MYO3B: variants seen among roughly 807,000 people sequenced by gnomAD.
The protein encoded by MYO3B is myosin IIIB.
Under a neutral mutation model 174.6 loss-of-function variants are expected in MYO3B, and 156 were observed. That is an observed-to-expected ratio of 0.89 (90% CI 0.78 to 1.02). The LOEUF is 1.02. Among genes scored for constraint, MYO3B ranks in the 50% least tolerant of loss-of-function variants. The pLI, the probability that MYO3B is intolerant of heterozygous loss-of-function variation, is 0.00. For synonymous variants in MYO3B, 563 were observed against 569.1 expected (o/e 0.99, Z 0.15); for missense variants, 1,632 against 1,639.4 (o/e 1.00, Z 0.08).
chr2:170,510,374 C>A (rs113815242), intron 28 of MYO3B, among the ~76,000 whole-genome samples: 1 of 152,030 alleles, frequency 6.6e-6, no homozygotes, highest in Non-Finnish European at 1.5e-5. Flanking sequence ...AACACTAGAT[C>A]CCCTCCATAA....
At chr2:170,589,195 A>T (rs946315366) in intron 32 of MYO3B, among the ~76,000 whole-genome samples, 2 of 152,218 alleles carry the variant, frequency 1.3e-5, no homozygotes, top group African/African-American at 4.8e-5. Flanking sequence ...AAAAAGTTTG[A>T]TATCATGGAC....
chr2:170,246,496 G>A (rs2093191091), intron 7 of MYO3B, among the ~76,000 whole-genome samples: 1 of 149,070 alleles, frequency 6.7e-6, no homozygotes, highest in South Asian at 2.1e-4. Context: ...AATGTGACTG[G>A]TATCCTTATA....
At chr2:170,407,030 C>T (rs1049930509) in intron 21 of MYO3B, among the ~76,000 whole-genome samples, 1 of 152,150 alleles carries the variant, frequency 6.6e-6, no homozygotes, top group Non-Finnish European at 1.5e-5. Flanking sequence ...TCAGCCTCTT[C>T]CTAAGTCTCT....
chr2:170,254,230 T>C (rs573363451), intron 7 of MYO3B, among the ~76,000 whole-genome samples: 1 of 152,256 alleles, frequency 6.6e-6, no homozygotes, highest in African/African-American at 2.4e-5. Context: ...GACATTTAGA[T>C]GGGCAGGAGG....
intron 22 of MYO3B, among the ~76,000 whole-genome samples, chr2:170,426,492 T>C (rs1474069211): frequency 2.0e-5 from 3 of 150,880 alleles, no homozygotes; most frequent in East Asian, 4.1e-4. Context: ...CCCACCACCA[T>C]GCCCGGATGA....
At chr2:170,614,893 G>A (rs1575251785) in intron 32 of MYO3B, among the ~76,000 whole-genome samples, 1 of 152,116 alleles carries the variant, frequency 6.6e-6, no homozygotes. Context: ...TTCCTTGGAA[G>A]GTAACTCTTA....
chr2:170,579,231 C>T (rs577393877), intron 32 of MYO3B, among the ~76,000 whole-genome samples: 14 of 152,090 alleles, frequency 9.2e-5, no homozygotes, highest in African/African-American at 3.1e-4. Flanking sequence ...CACAGTGGGG[C>T]ACTACTAGTT....
chr2:170,384,427 T>C (rs1403746356), intron 12 of MYO3B, among the ~76,000 whole-genome samples: 1 of 152,342 alleles, frequency 6.6e-6, no homozygotes, highest in Middle Eastern at 3.4e-3. Context: ...TATTTTTCTT[T>C]GTTTCTTTAT....
chr2:170,561,679 C>T lies in MYO3B; in HGVS notation c.3733+17691C>T, dbSNP rs189368057. ...CAATTTTATGTTTGGGAAGCTTGAT[C>T]GAAGGATTTTTCTTCCCATGTGGTA... On this transcript the variant is annotated intron_variant, in intron 32 of 34. Transcript: ENST00000408978. Among the ~76,000 whole-genome samples the T allele has an allele frequency of 3.2e-4, 48 of 152,268 alleles. 1 individual carries two copies. The East Asian group carries it at 8.7e-3, about 28-fold the overall frequency.
intron 22 of MYO3B, among the ~76,000 whole-genome samples, chr2:170,432,104 G>A (rs1367788864): frequency 6.6e-6 from 1 of 152,186 alleles, no homozygotes; most frequent in Non-Finnish European, 1.5e-5. Context: ...TTACGTATGT[G>A]CTATAGTAGG....
intron 3 of MYO3B, among the ~76,000 whole-genome samples, chr2:170,212,427 C>T (rs868094821): frequency 3.3e-5 from 5 of 152,012 alleles, no homozygotes; most frequent in Middle Eastern, 3.2e-3. Context: ...CAGAAGAAGT[C>T]GGAGGACAAA....
intron 32 of MYO3B, among the ~76,000 whole-genome samples, chr2:170,625,942 T>C (rs1559172629): frequency 6.6e-6 from 1 of 152,228 alleles, no homozygotes; most frequent in Admixed American, 6.5e-5. Flanking sequence ...TTTCTGTTCT[T>C]TTACCTCTGC....
In MYO3B at chr2:170,405,641, C is replaced by T. The variant is rs1226678549; in HGVS notation, c.2520+8C>T. The T allele has an allele frequency of 6.2e-7, 1 of 1,613,588 alleles. No individual in the cohort carries two copies. ...CAGCATTATGCTGGAAAGGTGAGGCCAGTGTGACAGTTATTAGACCTGAAT... is the reference window on the plus strand; with the variant it reads ...CAGCATTATGCTGGAAAGGTGAGGCTAGTGTGACAGTTATTAGACCTGAAT... On this transcript the variant is annotated splice_region_variant and intron_variant, in intron 21 of 34. Transcript: ENST00000408978.
At position 170,542,797 on chromosome 2, in the gene MYO3B, A is replaced by G; in HGVS notation, c.3576-109A>G. On this transcript the variant is annotated intron_variant, in intron 30 of 34. Transcript: ENST00000408978. ...AAGGACTGAAATGGGAAACCATGGA[A>G]GCATAAAAAGTATGTTTTGATATAT... The G allele has an allele frequency of 4.9e-6, 4 of 812,456 alleles. No homozygotes were observed. In the South Asian group the frequency reaches 8.8e-5, roughly 18 times the overall value. The allele number at this position is 812,456 out of a possible 1,614,324, so 50.3% of individuals were successfully genotyped here.
intron 7 of MYO3B, among the ~76,000 whole-genome samples, chr2:170,316,706 A>G (rs2093778169): frequency 6.6e-6 from 1 of 152,258 alleles, no homozygotes; most frequent in Admixed American, 6.5e-5. Flanking sequence ...TCCTAAGGCC[A>G]GAAAATCACA....
At chr2:170,520,936 G>C (rs923857094) in intron 30 of MYO3B, among the ~76,000 whole-genome samples, 3 of 152,130 alleles carry the variant, frequency 2.0e-5, no homozygotes, top group African/African-American at 7.2e-5. Context: ...CAAAGGGAAG[G>C]CCTAATAGAA....
intron 32 of MYO3B, among the ~76,000 whole-genome samples, chr2:170,631,013 G>A (rs994707965): frequency 4.6e-5 from 7 of 152,204 alleles, no homozygotes; most frequent in Non-Finnish European, 7.3e-5. Context: ...CCAAAGGAAC[G>A]CAGCTCCTTG....
chr2:170,192,290 T>C (rs2092550139), intron 1 of MYO3B, among the ~76,000 whole-genome samples: 1 of 133,958 alleles, frequency 7.5e-6, no homozygotes, highest in South Asian at 2.6e-4. Context: ...TTTCTATTTC[T>C]TTTGGGTTCA....
At chr2:170,533,956 A>G (rs367550256) in intron 30 of MYO3B, among the ~76,000 whole-genome samples, 2 of 152,358 alleles carry the variant, frequency 1.3e-5, no homozygotes. Flanking sequence ...GCAAATAAAA[A>G]TGCAAGATAC....
Sources: allele counts gnomAD v4.1 joint callset (sites outside exome capture counted in the v4.1 genomes callset), GRCh38; gene constraint gnomAD v4.1.1; transcripts MANE v1.5; gene names NCBI Gene and HGNC (gene_info 2026-07-23, HGNC 2026-07-21).